BICRAL: variants seen among roughly 807,000 people sequenced by gnomAD.
BICRAL encodes the protein BRD4-interacting chromatin-remodeling complex-associated protein-like.
Under a neutral mutation model 91.8 loss-of-function variants are expected in BICRAL, and 8 were observed. That is an observed-to-expected ratio of 0.09 (90% CI 0.05 to 0.16). BICRAL has a LOEUF of 0.16. Among genes scored for constraint, BICRAL ranks in the 10% least tolerant of loss-of-function variants. The pLI is 1.00. For synonymous variants in BICRAL, 445 were observed against 491.1 expected (o/e 0.91, Z 1.24); for missense variants, 1,038 against 1,310.9 (o/e 0.79, Z 3.21).
At chr6:42,773,298 G>A (rs1476767659) in intron 1 of BICRAL, among the ~76,000 whole-genome samples, 2 of 151,810 alleles carry the variant, frequency 1.3e-5, no homozygotes, top group Non-Finnish European at 2.9e-5. Context: ...GGGTGGTCTT[G>A]AACTCCTGAC....
chr6:42,796,519 A>C (rs1483343889), intron 1 of BICRAL, among the ~76,000 whole-genome samples: 2 of 152,146 alleles, frequency 1.3e-5, no homozygotes, highest in African/African-American at 4.8e-5. Flanking sequence ...TTTACATGGG[A>C]GGAAATGAAG....
chr6:42,828,477 C>T lies in BICRAL; in HGVS notation c.160-16C>T. The T allele has an allele frequency of 6.3e-7, 1 of 1,592,176 alleles. No homozygotes were observed. Among genetic ancestry groups the T allele is most frequent in the Non-Finnish European group, 8.6e-7 (1 of 1,169,250 alleles). On this transcript the variant is annotated splice_polypyrimidine_tract_variant and intron_variant, in intron 5 of 12. Transcript: ENST00000314073. Reference sequence around the variant, plus strand: ...AAGGTTACATATGCCATGTAACATACTGTTTATTTTTTTAGAATGCTGATC... The same window carrying T: ...AAGGTTACATATGCCATGTAACATATTGTTTATTTTTTTAGAATGCTGATC...
intron 6 of BICRAL, among the ~76,000 whole-genome samples, chr6:42,840,061 G>C (rs947452908): frequency 6.6e-6 from 1 of 152,098 alleles, no homozygotes; most frequent in South Asian, 2.1e-4. Context: ...AATTAGTATA[G>C]GTCCAAATTT....
At chr6:42,791,356 A>G (rs1216237991) in intron 1 of BICRAL, among the ~76,000 whole-genome samples, 1 of 152,180 alleles carries the variant, frequency 6.6e-6, no homozygotes, top group Non-Finnish European at 1.5e-5. Flanking sequence ...TGGCTCTCTT[A>G]TCTTGCAAAC....
At chr6:42,822,145 C>T (rs774974367) in intron 3 of BICRAL, 82 bp downstream of exon 3, 4 of 743,852 alleles carry the variant, frequency 5.4e-6, no homozygotes, top group East Asian at 2.5e-5. Context: ...GCATATAACA[C>T]CTGATAGGTA....
intron 1 of BICRAL, among the ~76,000 whole-genome samples, chr6:42,752,833 C>T (rs1259544937): frequency 2.0e-5 from 3 of 151,678 alleles, no homozygotes; most frequent in African/African-American, 7.3e-5. Context: ...CAACTCCTGA[C>T]CTTAGGTGAT....
chr6:42,803,756 C>T (rs1017390490), intron 1 of BICRAL, among the ~76,000 whole-genome samples: 5 of 152,202 alleles, frequency 3.3e-5, no homozygotes, highest in African/African-American at 7.2e-5. Flanking sequence ...AAGGAGGATA[C>T]GTTCTGAGAA....
chr6:42,812,453 A>G (rs757858515), intron 2 of BICRAL, among the ~76,000 whole-genome samples: 5 of 152,168 alleles, frequency 3.3e-5, no homozygotes, highest in Non-Finnish European at 5.9e-5. Context: ...TTAAGTTGTT[A>G]CTATCTTATA....
rs762906033 is a variant in BICRAL, at chr6:42,852,181, G to A, written c.1929G>A (p.Leu643=). Residue 643 remains leucine (L), a synonymous_variant, in exon 7 of 13, where the codon TTG becomes TTA. Coordinates refer to ENST00000314073, the MANE Select transcript of BICRAL (RefSeq NM_001393499.1). The stretch of plus-strand genomic sequence containing the variant: ...GGCAAGCACAGATCCCTGGGCTCTT[G>A]AGCACCACACTGCCAGGTCAGGAGC... ...GLRQAQIPGL[L]STTLPGQDSG... The A allele has an allele frequency of 8.7e-6, 14 of 1,609,650 alleles. No individual in the cohort carries two copies. In the South Asian group the frequency reaches 1.3e-4, roughly 15 times the overall value.
In BICRAL at chr6:42,854,814, C is replaced by G. The variant is rs538799643; in HGVS notation, c.2047-1042C>G. Among the ~76,000 whole-genome samples, 4 of 152,296 alleles carry G rather than the reference C, an allele frequency of 2.6e-5. No homozygotes were observed. In the South Asian group the frequency reaches 8.3e-4, roughly 32 times the overall value. Reference sequence around the variant, plus strand: ...AGAATTACAGGCTTAAGCAACCACTCCTGGCCTAGTTTTTTTTGTTTGTTT... The same window carrying G: ...AGAATTACAGGCTTAAGCAACCACTGCTGGCCTAGTTTTTTTTGTTTGTTT... On this transcript the variant is annotated intron_variant, in intron 8 of 12. Transcript: ENST00000314073.
intron 1 of BICRAL, among the ~76,000 whole-genome samples, chr6:42,798,906 G>A (rs1220170578): frequency 2.0e-5 from 3 of 151,308 alleles, no homozygotes; most frequent in Non-Finnish European, 4.4e-5. Context: ...TGTAATAGTT[G>A]TTAGACTATA....
At chr6:42,856,027 T>C (rs1045673605) in intron 9 of BICRAL, 110 bp downstream of exon 9, 23 of 900,394 alleles carry the variant, frequency 2.6e-5, no homozygotes, top group Non-Finnish European at 4.0e-5. Flanking sequence ...TATTAGCCTT[T>C]TTAAAAATGT....
chr6:42,812,829 C>T (rs934659703), intron 2 of BICRAL, among the ~76,000 whole-genome samples: 2 of 152,116 alleles, frequency 1.3e-5, no homozygotes, highest in African/African-American at 4.8e-5. Context: ...CCCAGGAGTT[C>T]AGGACCAGCC....
intron 5 of BICRAL, among the ~76,000 whole-genome samples, chr6:42,823,706 G>A (rs1213158474): frequency 3.9e-5 from 6 of 152,106 alleles, no homozygotes; most frequent in Admixed American, 1.3e-4. Context: ...GGTGGATCAC[G>A]AGGTCAGGAG....
rs767816014 is a variant in BICRAL, at chr6:42,860,334, G to T, written c.2327G>T (p.Cys776Phe). Residue 776 changes from cysteine (C) to phenylalanine (F), a missense_variant, in exon 11 of 13, where the codon TGC (cysteine) becomes TTC (phenylalanine). By Grantham distance (205) the Cys-to-Phe change is radical (BLOSUM62 -2). Coordinates refer to ENST00000314073, the MANE Select transcript of BICRAL (RefSeq NM_001393499.1). Reference protein sequence around the residue: ...RTQAMLNKYRCLLLEDAMRIN... With the variant: ...RTQAMLNKYRFLLLEDAMRIN... The stretch of plus-strand genomic sequence containing the variant: ...CAAGCTATGCTTAACAAATACAGAT[G>T]CCTGCTCCTAGAAGATGCCATGGTA... 13 of 1,606,310 alleles carry T rather than the reference G, an allele frequency of 8.1e-6. No homozygotes were observed. In the Admixed American group the frequency reaches 1.8e-4, roughly 23 times the overall value.
intron 1 of BICRAL, among the ~76,000 whole-genome samples, chr6:42,809,407 TGTC>T (rs749022232): frequency 7.2e-5 from 11 of 151,836 alleles, no homozygotes; most frequent in Non-Finnish European, 1.5e-4. Context: ...CTATGTTAAT[TGTC>T]GTCTTTTCCA....
At chr6:42,846,022 G>A (rs1306183382) in intron 6 of BICRAL, among the ~76,000 whole-genome samples, 2 of 130,804 alleles carry the variant, frequency 1.5e-5, no homozygotes, top group Admixed American at 8.7e-5. Context: ...AGTGAGCCGA[G>A]ATACACTCAA....
At chr6:42,780,435 G>C (rs776012989), upstream of BICRAL, among the ~76,000 whole-genome samples, 1 of 152,182 alleles carries the variant, frequency 6.6e-6, no homozygotes, top group South Asian at 2.1e-4. Flanking sequence ...GGGAGAGATG[G>C]GCTTGAGCCA....
chr6:42,844,508 C>CA (rs34115804), intron 6 of BICRAL, among the ~76,000 whole-genome samples: 491 of 31,448 alleles, frequency 0.016, 76 homozygotes, highest in Non-Finnish European at 0.027. Flanking sequence ...GACTCCATCT[C>CA]AAAAAAAAAA....
Sources: gnomAD v4.1 joint callset for allele counts (sites outside exome capture counted in the v4.1 genomes callset) on GRCh38, gnomAD v4.1.1 for gene constraint, MANE v1.5 for transcripts, NCBI Gene and HGNC (gene_info 2026-07-23, HGNC 2026-07-21) for gene names.